CNPY1: variants seen among roughly 807,000 people sequenced by gnomAD.
The protein encoded by CNPY1 is canopy FGF signaling regulator 1, also known as protein canopy homolog 1.
Under a neutral mutation model 14.4 loss-of-function variants are expected in CNPY1, and 14 were observed. The ratio of observed to expected loss-of-function variants is 0.97; its 90% CI spans 0.64 to 1.52. CNPY1 has a LOEUF of 1.52. Ranked by LOEUF, CNPY1 falls within the 40% of genes most tolerant of loss-of-function variation. The pLI is 0.00. For missense variants in CNPY1, 129 were observed against 131.5 expected (o/e 0.98, Z 0.09); for synonymous variants, 43 against 46.5 (o/e 0.92, Z 0.31).
intron 3 of CNPY1, 103 bp from the exon 4 acceptor site, chr7:155,507,219 T>C: frequency 2.7e-6 from 2 of 735,328 alleles, no homozygotes. Flanking sequence ...TAGGAAATCA[T>C]GTAACCAAGG....
rs980890190 is a variant in CNPY1, at chr7:155,501,434, G to A, written c.*1634C>T. 2 of 152,204 alleles carry A rather than the reference G, an allele frequency of 1.3e-5. No individual in the cohort carries two copies. The highest frequency in any genetic ancestry group is 4.8e-5 in the African/African-American group (2 of 41,452). 9.4% of individuals were successfully genotyped at this position (152,204 alleles called of 1,614,324 possible). ...AAACAGATTTGGCAACACTTCTACGGTTACGACCGTGAACAGTTTTCACTG... is the reference window on the plus strand; with the variant it reads ...AAACAGATTTGGCAACACTTCTACGATTACGACCGTGAACAGTTTTCACTG... On this transcript the variant is annotated 3_prime_UTR_variant, in exon 5 of 5. Coordinates refer to ENST00000636446, the MANE Select transcript of CNPY1 (RefSeq NM_001393663.1).
rs116110417 is a variant in CNPY1, at chr7:155,522,658, T to C, written c.100-13561A>G. 1.8e-3 allele frequency among the ~76,000 whole-genome samples: 273 copies of C among 152,120 alleles called. 3 individuals carry two copies. Among genetic ancestry groups the C allele is most frequent in the African/African-American group, 6.3e-3 (259 of 41,406 alleles). The stretch of plus-strand genomic sequence containing the variant: ...GGCCAGAGGGGGTGAGCACCTCGTC[T>C]TCATGGAGGTGCTGGGATACCTCCA... On this transcript the variant is annotated intron_variant, in intron 2 of 4. Transcript: ENST00000636446.
At chr7:155,546,361 T>G in intron 1 of CNPY1, 68 bp downstream of exon 1, 1 of 397,488 alleles carries the variant, frequency 2.5e-6, no homozygotes. Context: ...AATTTTTTTT[T>G]TTTTTTAAGA....
chr7:155,502,988 G>T lies in CNPY1; in HGVS notation c.*80C>A. 1 of 1,298,522 alleles carries T rather than the reference G, an allele frequency of 7.7e-7. No homozygotes were observed. 80.4% of individuals were successfully genotyped at this position (1,298,522 alleles called of 1,614,324 possible). On this transcript the variant is annotated 3_prime_UTR_variant, in exon 5 of 5. Coordinates refer to ENST00000636446, the MANE Select transcript of CNPY1 (RefSeq NM_001393663.1). ...AGACAAAATTTTTCTTATCATGAAA[G>T]ACAACATGCAAACATAAAATGCAGA...
intron 2 of CNPY1, among the ~76,000 whole-genome samples, chr7:155,523,642 A>C (rs1796767127): frequency 6.6e-6 from 1 of 152,200 alleles, no homozygotes; most frequent in Non-Finnish European, 1.5e-5. Context: ...GGCGGGGACA[A>C]AGCCCATCAG....
chr7:155,509,025 T>C lies in CNPY1; in HGVS notation c.172A>G (p.Lys58Glu), dbSNP rs922617219. Residue 58 changes from lysine to glutamate, a missense_variant, in exon 3 of 5, where the codon AAG (lysine) becomes GAG (glutamate). By Grantham distance (56) the Lys-to-Glu change is moderately conservative. Transcript: ENST00000636446. ...EKVCERMNDY[K>E]LEEDPVTKER... ...TTCGTCACAGGGTCTTCCTCAAGCT[T>C]GTAGTCGTTCATTCGCTCACAGACT... 1 of 1,613,254 alleles carries C rather than the reference T, an allele frequency of 6.2e-7. No homozygotes were observed. The highest frequency in any genetic ancestry group is 1.1e-5 in the South Asian group (1 of 90,824).
chr7:155,511,414 G>A (rs2116695215), intron 2 of CNPY1, among the ~76,000 whole-genome samples: 1 of 152,320 alleles, frequency 6.6e-6, no homozygotes, highest in South Asian at 2.1e-4. Flanking sequence ...TGTGTGGAAG[G>A]CCTTCCACAA....
intron 2 of CNPY1, among the ~76,000 whole-genome samples, chr7:155,545,051 C>T (rs1797142638): frequency 6.6e-6 from 1 of 152,196 alleles, no homozygotes; most frequent in African/African-American, 2.4e-5. Context: ...AAGACACGGA[C>T]CCCACACAGA....
At chr7:155,524,426 G>A (rs893067121) in intron 2 of CNPY1, among the ~76,000 whole-genome samples, 1 of 152,234 alleles carries the variant, frequency 6.6e-6, no homozygotes, top group Admixed American at 6.5e-5. Flanking sequence ...AGTGAGCAAA[G>A]CTTCATCTGT....
chr7:155,529,205 C>T (rs1012643776), intron 2 of CNPY1, among the ~76,000 whole-genome samples: 2 of 152,206 alleles, frequency 1.3e-5, no homozygotes, highest in East Asian at 1.9e-4. Flanking sequence ...AGCTGTTTCC[C>T]AGTCTTTCAT....
At chr7:155,504,254 A>G (rs1796219968) in intron 4 of CNPY1, among the ~76,000 whole-genome samples, 1 of 152,176 alleles carries the variant, frequency 6.6e-6, no homozygotes, top group African/African-American at 2.4e-5. Flanking sequence ...TTTTTCACTC[A>G]TCAAAAAAAT....
intron 2 of CNPY1, among the ~76,000 whole-genome samples, chr7:155,523,101 C>T (rs1180849754): frequency 6.6e-6 from 1 of 152,188 alleles, no homozygotes; most frequent in Non-Finnish European, 1.5e-5. Flanking sequence ...ATTAACAGGA[C>T]TAGGGATTTA....
At chr7:155,520,562 C>T (rs183177893) in intron 2 of CNPY1, among the ~76,000 whole-genome samples, 45 of 151,478 alleles carry the variant, frequency 3.0e-4, no homozygotes, top group Admixed American at 1.5e-3. Context: ...CTCAGCCTCC[C>T]GAGTAGCTGG....
intron 2 of CNPY1, among the ~76,000 whole-genome samples, chr7:155,525,506 C>T (rs1021759113): frequency 2.0e-5 from 3 of 152,180 alleles, no homozygotes; most frequent in Non-Finnish European, 4.4e-5. Flanking sequence ...TGCAATGTTT[C>T]CCCCTCTTAA....
chr7:155,503,109 GAAAA>G lies in CNPY1; in HGVS notation c.401-8_401-5del, dbSNP rs35244674. On this transcript the variant is annotated splice_region_variant and splice_polypyrimidine_tract_variant and intron_variant, in intron 4 of 4. Coordinates refer to ENST00000636446, the MANE Select transcript of CNPY1 (RefSeq NM_001393663.1). ...TTAGCAGAAGTTTCACACAGATCTGGAAAAAAAAAAAAAAGTAGATAGCATCATT... is the reference window on the plus strand; with the variant it reads ...TTAGCAGAAGTTTCACACAGATCTGGAAAAAAAAAAGTAGATAGCATCATT... 21 of 1,441,018 alleles carry G rather than the reference GAAAA, an allele frequency of 1.5e-5. No individual in the cohort carries two copies. The highest frequency in any genetic ancestry group is 7.1e-5 in the East Asian group (3 of 42,246). 89.3% of individuals were successfully genotyped at this position (1,441,018 alleles called of 1,614,324 possible). A position where few individuals can be genotyped will look rare whatever the true frequency, so the allele number is the denominator to read the frequency against.
chr7:155,515,570 C>T (rs1027017003), intron 2 of CNPY1, among the ~76,000 whole-genome samples: 3 of 152,030 alleles, frequency 2.0e-5, no homozygotes, highest in Non-Finnish European at 2.9e-5. Context: ...AGTCACAAAT[C>T]GAGAGGTGTG....
chr7:155,505,780 T>A (rs1410786732), intron 4 of CNPY1, among the ~76,000 whole-genome samples: 1 of 152,256 alleles, frequency 6.6e-6, no homozygotes, highest in Non-Finnish European at 1.5e-5. Flanking sequence ...TTTAAAAACA[T>A]TTCCTGTGGG....
At chr7:155,525,249 C>T (rs990287665) in intron 2 of CNPY1, among the ~76,000 whole-genome samples, 4 of 152,256 alleles carry the variant, frequency 2.6e-5, no homozygotes, top group South Asian at 2.1e-4. Flanking sequence ...GGTGCAATCT[C>T]GGCTCACTGC....
At chr7:155,504,506 A>C (rs949444532) in intron 4 of CNPY1, among the ~76,000 whole-genome samples, 3 of 152,230 alleles carry the variant, frequency 2.0e-5, no homozygotes, top group African/African-American at 7.2e-5. Context: ...ATATATAAAC[A>C]AGGTGTATGT....
Sources: gnomAD v4.1 joint callset for allele counts (sites outside exome capture counted in the v4.1 genomes callset) on GRCh38, gnomAD v4.1.1 for gene constraint, MANE v1.5 for transcripts, NCBI Gene and HGNC (gene_info 2026-07-23, HGNC 2026-07-21) for gene names.